Variants in SLF1 observed in about 807,000 individuals in gnomAD.
The protein encoded by SLF1 is SMC5-SMC6 complex localization factor protein 1.
A neutral mutation model predicts 123.0 loss-of-function variants in SLF1; 105 were observed. That is an observed-to-expected ratio of 0.85 (90% CI 0.73 to 1.00). The LOEUF is 1.00. SLF1 is among the 50% of genes least tolerant of loss of function. The pLI is 0.00. For synonymous variants in SLF1, 434 were observed against 406.6 expected, an observed-to-expected ratio of 1.07 and a Z score of -0.81; for missense variants, 1,239 against 1,223.0, an observed-to-expected ratio of 1.01 and a Z score of -0.20.
intron 13 of SLF1, 71 bp from the exon 14 acceptor site, chr5:94,670,772 A>G: frequency 9.0e-7 from 1 of 1,116,760 alleles, no homozygotes; most frequent in South Asian, 1.7e-5. Flanking sequence ...TTTTTTTGAC[A>G]GGAGAGATGT....
chr5:94,679,818 G>A (rs1373778444), intron 15 of SLF1, among the ~76,000 whole-genome samples: 6 of 152,090 alleles, frequency 3.9e-5, no homozygotes, highest in Non-Finnish European at 5.9e-5. Flanking sequence ...TTCACAAGGT[G>A]AAAAGTTCTA....
Position 94,645,018 on chromosome 5 carries a change from G to A in SLF1, c.594+1583G>A, listed in dbSNP as rs192846459. On this transcript the variant is annotated intron_variant, in intron 5 of 20. Transcript: ENST00000265140. ...CTTTCCCTAATGAGTAGCAGCAATG[G>A]ATATTGGAAATTTGACTTTAGTTCA... 9.2e-5 allele frequency among the ~76,000 whole-genome samples: 14 copies of A among 152,276 alleles called. No homozygotes were observed. The East Asian group carries it at 2.7e-3, about 29-fold the overall frequency.
chr5:94,671,012 A>G lies in SLF1; in HGVS notation c.1827+4A>G. On this transcript the variant is annotated splice_donor_region_variant and intron_variant, in intron 14 of 20. Coordinates refer to ENST00000265140, the MANE Select transcript of SLF1 (RefSeq NM_032290.4). ...GGAAAAATTCAAGTCTAATGATGTA[A>G]GTAGGATTAATTTATAGATGAATAG... 4 of 1,509,206 alleles carry G rather than the reference A, an allele frequency of 2.7e-6. No homozygotes were observed. Among genetic ancestry groups the G allele is most frequent in the Non-Finnish European group, 2.7e-6 (3 of 1,113,108 alleles). The allele number at this position is 1,509,206 out of a possible 1,614,324, so 93.5% of individuals were successfully genotyped here.
chr5:94,625,359 ATTTTCT>A (rs1792143272), intron 1 of SLF1, among the ~76,000 whole-genome samples: 1 of 151,648 alleles, frequency 6.6e-6, no homozygotes, highest in African/African-American at 2.4e-5. Context: ...AAGACCTATC[ATTTTCT>A]TTTTATTTTT....
chr5:94,629,110 C>T lies in SLF1; in HGVS notation c.133C>T (p.His45Tyr). The T allele has an allele frequency of 6.5e-7, 1 of 1,544,568 alleles. No homozygotes were observed. Among genetic ancestry groups the T allele is most frequent in the South Asian group, 1.2e-5 (1 of 82,114 alleles). ...CCTCCAGAAATACAAAAATTGTACACATCTTATAGCTGAACGCCTATGTAA... is the reference window on the plus strand; with the variant it reads ...CCTCCAGAAATACAAAAATTGTACATATCTTATAGCTGAACGCCTATGTAA... ...IKSEKYKNCT[H>Y]LIAERLCKSE... Residue 45 changes from histidine (H) to tyrosine (Y), a missense_variant, in exon 3 of 21, where the codon CAT becomes TAT. Physicochemically the swap from His to Tyr is moderately conservative, Grantham distance 83. Coordinates refer to ENST00000265140, the MANE Select transcript of SLF1 (RefSeq NM_032290.4).
intron 14 of SLF1, chr5:94,678,556 A>C: frequency 3.8e-6 from 1 of 264,224 alleles, no homozygotes; most frequent in Non-Finnish European, 7.1e-6. Context: ...GATAAAATTA[A>C]AGTTTATTCT....
At chr5:94,666,697 C>T (rs910869330) in intron 12 of SLF1, among the ~76,000 whole-genome samples, 1 of 152,090 alleles carries the variant, frequency 6.6e-6, no homozygotes, top group Non-Finnish European at 1.5e-5. Context: ...AGTGCAGTGG[C>T]CTGATCTTGG....
In SLF1 at chr5:94,628,911, T is replaced by G; in HGVS notation, c.101T>G (p.Phe34Cys). Residue 34 changes from phenylalanine (F) to cysteine (C), a missense_variant, in exon 2 of 21, where the codon TTT (phenylalanine) becomes TGT (cysteine). Phe to Cys is a radical substitution (Grantham distance 205, BLOSUM62 -2). Transcript: ENST00000265140. ...TTACTTTTAAAACTAGATTGCACTT[T>G]TATTAAGAGTGAGGTAAGAAACTTA... ...VKLLLKLDCT[F>C]IKSEKYKNCT... The G allele has an allele frequency of 6.5e-7, 1 of 1,542,758 alleles. No homozygotes were observed. The highest frequency in any genetic ancestry group is 8.8e-7 in the Non-Finnish European group (1 of 1,142,736).
rs1744936599 is a variant in SLF1 at position 94,629,178 on chromosome 5, T to G, written c.190+11T>G. 1.3e-6 allele frequency: 2 copies of G among 1,539,824 alleles called. No homozygotes were observed. The highest frequency in any genetic ancestry group is 1.8e-6 in the Non-Finnish European group (2 of 1,141,230). Reference sequence around the variant, plus strand: ...CAGCTTGTGCGGCAGGTAAGTTAACTGTCTTCCCCCAACTTTTAAAAACAA... The same window carrying G: ...CAGCTTGTGCGGCAGGTAAGTTAACGGTCTTCCCCCAACTTTTAAAAACAA... On this transcript the variant is annotated intron_variant, in intron 3 of 20. Coordinates refer to ENST00000265140, the MANE Select transcript of SLF1 (RefSeq NM_032290.4).
chr5:94,620,113 C>G (rs1791589612), intron 1 of SLF1: 1 of 152,314 alleles, frequency 6.6e-6, no homozygotes, highest in East Asian at 1.9e-4. Flanking sequence ...CTCCTGATCT[C>G]AAGTGTTCCG....
intron 5 of SLF1, among the ~76,000 whole-genome samples, chr5:94,649,214 A>T (rs1025919867): frequency 3.3e-5 from 5 of 152,194 alleles, no homozygotes; most frequent in Non-Finnish European, 7.4e-5. Context: ...TAGTAGATGA[A>T]CAAAGCATTA....
chr5:94,635,730 A>G (rs1745696245), intron 4 of SLF1, among the ~76,000 whole-genome samples: 1 of 152,064 alleles, frequency 6.6e-6, no homozygotes, highest in East Asian at 1.9e-4. Flanking sequence ...TTTGATGTCA[A>G]AATTTATATT....
intron 5 of SLF1, among the ~76,000 whole-genome samples, chr5:94,646,582 C>T (rs562560356): frequency 3.9e-5 from 6 of 152,180 alleles, no homozygotes; most frequent in African/African-American, 1.4e-4. Context: ...AATTGTTTGG[C>T]CCAAGGAAGG....
At position 94,694,989 on chromosome 5, in the gene SLF1, C is replaced by G. The variant is rs1753427283; in HGVS notation, c.2854C>G (p.Leu952Val). The change falls in exon 21 of 21, where the codon CTT becomes GTT. Residue 952 changes from leucine to valine, a missense_variant. By Grantham distance (32) the Leu-to-Val change is conservative (BLOSUM62 1). Transcript: ENST00000265140. Reference protein sequence around the residue: ...QAEKHFHYQQLEFGSFLLSRM... With the variant: ...QAEKHFHYQQVEFGSFLLSRM... The stretch of plus-strand genomic sequence containing the variant: ...AGAGAAACATTTTCATTACCAGCAA[C>G]TTGAATTTGGCTCCTTTTTACTTAG... The G allele has an allele frequency of 6.2e-7, 1 of 1,612,510 alleles. No individual in the cohort carries two copies. Among genetic ancestry groups the G allele is most frequent in the South Asian group, 1.1e-5 (1 of 91,008 alleles).
chr5:94,648,037 G>A (rs532472102), intron 5 of SLF1, among the ~76,000 whole-genome samples: 1 of 152,200 alleles, frequency 6.6e-6, no homozygotes, highest in African/African-American at 2.4e-5. Flanking sequence ...GAATGTATAT[G>A]GGATTAATTC....
intron 9 of SLF1, among the ~76,000 whole-genome samples, chr5:94,660,027 C>T (rs1320562471): frequency 6.6e-6 from 1 of 152,166 alleles, no homozygotes; most frequent in African/African-American, 2.4e-5. Flanking sequence ...CATGCTCATC[C>T]TTTGATCCCC....
At chr5:94,646,230 A>T (rs939165415) in intron 5 of SLF1, among the ~76,000 whole-genome samples, 1 of 152,222 alleles carries the variant, frequency 6.6e-6, no homozygotes, top group African/African-American at 2.4e-5. Flanking sequence ...CCTGAGCAAC[A>T]GAGTGAGACC....
chr5:94,678,914 T>C lies in SLF1; in HGVS notation c.1934T>C (p.Met645Thr), dbSNP rs2152493636. Residue 645 changes from methionine to threonine, a missense_variant, in exon 15 of 21, where the codon ATG becomes ACG. Coordinates refer to ENST00000265140, the MANE Select transcript of SLF1 (RefSeq NM_032290.4). ...ATGGGTAGAAATGTGATGCGACACA[T>C]GTCTGATGACTTAGGAAGTTATGTT... The part of the protein sequence containing the change: ...LKMGRNVMRH[M>T]SDDLGSYVSL... 7 of 1,613,760 alleles carry C rather than the reference T, an allele frequency of 4.3e-6. No homozygotes were observed. The highest frequency in any genetic ancestry group is 1.1e-5 in the South Asian group (1 of 91,046).
intron 4 of SLF1, among the ~76,000 whole-genome samples, chr5:94,641,511 C>T (rs894770297): frequency 1.3e-5 from 2 of 152,174 alleles, no homozygotes; most frequent in Non-Finnish European, 2.9e-5. Flanking sequence ...ATTCTGTAAT[C>T]ACCATCAATG....
Sources: gnomAD v4.1 joint callset for allele counts (sites outside exome capture counted in the v4.1 genomes callset) on GRCh38, gnomAD v4.1.1 for gene constraint, MANE v1.5 for transcripts, NCBI Gene and HGNC (gene_info 2026-07-23, HGNC 2026-07-21) for gene names.